The following OR8H2 variants were observed in gnomAD, a reference collection of about 807,000 sequenced individuals.
OR8H2 encodes the protein olfactory receptor 8H2.
For synonymous variants in OR8H2, 157 were observed against 139.2 expected (o/e 1.13, Z -0.90); for missense variants, 374 against 371.1 (o/e 1.01, Z -0.06).
rs1272454303 is a variant in OR8H2, at chr11:56,106,789, A to AT, written c.*809dup. Reference sequence around the variant, plus strand: ...TAGAAAAATAGCCTATATTAAGATAATGTTGGAGAAAATTTGAAAAATATT... The same window carrying AT: ...TAGAAAAATAGCCTATATTAAGATAATTGTTGGAGAAAATTTGAAAAATATT... On this transcript the variant is annotated 3_prime_UTR_variant, in exon 2 of 2. Coordinates refer to ENST00000313503, the MANE Select transcript of OR8H2 (RefSeq NM_001386064.1). 1 of 152,030 alleles carries AT rather than the reference A, an allele frequency of 6.6e-6. No homozygotes were observed. The highest frequency in any genetic ancestry group is 2.4e-5 in the African/African-American group (1 of 41,454). The allele number at this position is 152,030 out of a possible 1,614,324, so 9.4% of individuals were successfully genotyped here. A position where few individuals can be genotyped will look rare whatever the true frequency, so the allele number is the denominator to read the frequency against.
At chr11:56,104,621 T>C (rs1405545264) in intron 1 of OR8H2, among the ~76,000 whole-genome samples, 1 of 152,188 alleles carries the variant, frequency 6.6e-6, no homozygotes, top group African/African-American at 2.4e-5. Context: ...ATTCAATGTG[T>C]TAATAAAGGA....
In OR8H2 at chr11:56,105,096, G is replaced by T. The variant is rs777085759; in HGVS notation, c.54G>T (p.Leu18=). The change falls in exon 2 of 2, where the codon CTG becomes CTT. Residue 18 remains leucine, a synonymous_variant. Coordinates refer to ENST00000313503, the MANE Select transcript of OR8H2 (RefSeq NM_001386064.1). ...TGGCTGACTTCATCCTTATGGGACT[G>T]ACACTTTCTGAAGAGATCCAGATGG... ...TNVADFILMG[L]TLSEEIQMAL... 18 of 1,614,050 alleles carry T rather than the reference G, an allele frequency of 1.1e-5. No homozygotes were observed. The Middle Eastern group carries it at 1.2e-3, about 103-fold the overall frequency.
intron 1 of OR8H2, 85 bp from the exon 2 acceptor site, chr11:56,104,787 T>A (rs1368051102): frequency 2.6e-6 from 1 of 382,068 alleles, no homozygotes; most frequent in African/African-American, 2.1e-5. Context: ...TAGCAACTTA[T>A]AGAAGGCTAA....
rs1234440491 is a variant in OR8H2 at position 56,106,361 on chromosome 11, A to C, written c.*380A>C. ...CACAATGATAATAGTTTTAGATGTT[A>C]TTCCATTTATTATATGGGGAAGAAT... On this transcript the variant is annotated 3_prime_UTR_variant, in exon 2 of 2. Transcript: ENST00000313503. 1 of 155,804 alleles carries C rather than the reference A, an allele frequency of 6.4e-6. No homozygotes were observed. The highest frequency in any genetic ancestry group is 1.4e-5 in the Non-Finnish European group (1 of 70,616). The allele number at this position is 155,804 out of a possible 1,614,324, so 9.7% of individuals were successfully genotyped here.
chr11:56,104,767 A>G (rs567974927), intron 1 of OR8H2, 105 bp from the exon 2 acceptor site: 1 of 336,154 alleles, frequency 3.0e-6, no homozygotes, highest in Admixed American at 4.4e-5. Flanking sequence ...GTCATATTCT[A>G]TAAATTTATT....
rs1854066178 is a variant in OR8H2, at chr11:56,107,172, T to C, written c.*1191T>C. On this transcript the variant is annotated 3_prime_UTR_variant, in exon 2 of 2. Coordinates refer to ENST00000313503, the MANE Select transcript of OR8H2 (RefSeq NM_001386064.1). ...GGACTTGAAATATAAACTCACCAAC[T>C]TACAAATCTACATGCAGTGATATCT... is the stretch of plus-strand genomic sequence containing the variant. 6.6e-6 allele frequency: 1 copy of C among 151,918 alleles called. No individual in the cohort carries two copies. Among genetic ancestry groups the C allele is most frequent in the South Asian group, 2.1e-4 (1 of 4,832 alleles). The allele number at this position is 151,918 out of a possible 1,614,324, so 9.4% of individuals were successfully genotyped here. A position where few individuals can be genotyped will look rare whatever the true frequency, so the allele number is the denominator to read the frequency against.
At chr11:56,104,025 G>A (rs1854014222) in intron 1 of OR8H2, 38 bp downstream of exon 1, 1 of 151,886 alleles carries the variant, frequency 6.6e-6, no homozygotes. Context: ...TATTGTTCCA[G>A]ATTTTATTTC....
At chr11:56,104,633 G>T (rs184841272) in intron 1 of OR8H2, among the ~76,000 whole-genome samples, 2 of 152,214 alleles carry the variant, frequency 1.3e-5, no homozygotes, top group African/African-American at 4.8e-5. Flanking sequence ...AATAAAGGAA[G>T]TCATTCAGAA....
At position 56,104,899 on chromosome 11, in the gene OR8H2, T is replaced by C; in HGVS notation, c.-144T>C. On this transcript the variant is annotated 5_prime_UTR_variant, in exon 2 of 2. An upstream start codon of the reference 5' UTR is lost. Coordinates refer to ENST00000313503, the MANE Select transcript of OR8H2 (RefSeq NM_001386064.1). ...TCTGGCACAGTCGCCAGGGCTGGAA[T>C]GCAATGGTGCGATCCCGGCTCACTG... 1.5e-6 allele frequency: 1 copy of C among 687,020 alleles called. No individual in the cohort carries two copies. Among genetic ancestry groups the C allele is most frequent in the East Asian group, 2.6e-5 (1 of 38,650 alleles). 42.6% of individuals were successfully genotyped at this position (687,020 alleles called of 1,614,324 possible).
Position 56,105,150 on chromosome 11 carries a change from C to A in OR8H2, c.108C>A (p.Tyr36Ter), listed in dbSNP as rs1158520695. 1.2e-6 allele frequency: 2 copies of A among 1,614,146 alleles called. No individual in the cohort carries two copies. The highest frequency in any genetic ancestry group is 1.3e-5 in the African/African-American group (1 of 75,040). Residue 36 changes from tyrosine to a stop codon, truncating the protein, a stop_gained, in exon 2 of 2, where the codon TAC (tyrosine) becomes TAA (stop). Transcript: ENST00000313503. LOFTEE classifies it low-confidence loss of function (END_TRUNC). Reference sequence around the variant, plus strand: ...TGTTTATGCTATTTCTCCTGATATACCTAATTACTATGCTGGGGAATGTGG... The same window carrying A: ...TGTTTATGCTATTTCTCCTGATATAACTAATTACTATGCTGGGGAATGTGG... ...MALFMLFLLI[Y>*]LITMLGNVGM... is the part of the protein sequence containing the mutation.
In OR8H2 at chr11:56,106,945, G is replaced by C. The variant is rs1854062608; in HGVS notation, c.*964G>C. On this transcript the variant is annotated 3_prime_UTR_variant, in exon 2 of 2. Coordinates refer to ENST00000313503, the MANE Select transcript of OR8H2 (RefSeq NM_001386064.1). Reference sequence around the variant, plus strand: ...TTTCAGTTTTAGAAAAACAAATATTGAGTTTTGTGCATGTTCTTCTAGATC... The same window carrying C: ...TTTCAGTTTTAGAAAAACAAATATTCAGTTTTGTGCATGTTCTTCTAGATC... The C allele has an allele frequency of 6.6e-6, 1 of 151,766 alleles. No individual in the cohort carries two copies. The highest frequency in any genetic ancestry group is 1.5e-5 in the Non-Finnish European group (1 of 67,780). The allele number at this position is 151,766 out of a possible 1,614,324, so 9.4% of individuals were successfully genotyped here.
At chr11:56,104,466 T>A (rs1401608680) in intron 1 of OR8H2, among the ~76,000 whole-genome samples, 2 of 152,192 alleles carry the variant, frequency 1.3e-5, no homozygotes, top group African/African-American at 4.8e-5. Flanking sequence ...GCCGTCTCTC[T>A]GAAGTTAATA....
rs2134663619 is a variant in OR8H2 at position 56,105,809 on chromosome 11, T to G, written c.767T>G (p.Ile256Ser). 1.9e-6 allele frequency: 3 copies of G among 1,613,778 alleles called. No homozygotes were observed. The highest frequency in any genetic ancestry group is 2.5e-6 in the Non-Finnish European group (3 of 1,179,772). Residue 256 changes from isoleucine (I) to serine (S), a missense_variant, in exon 2 of 2, where the codon ATT becomes AGT. Physicochemically the swap from Ile to Ser is moderately radical, Grantham distance 142. Coordinates refer to ENST00000313503, the MANE Select transcript of OR8H2 (RefSeq NM_001386064.1). ...GTCACCATCTTTTATAGCACTCTGATTTTTACTTATTTAAAACCAAGAAAG... is the reference window on the plus strand; with the variant it reads ...GTCACCATCTTTTATAGCACTCTGAGTTTTACTTATTTAAAACCAAGAAAG... The part of the protein sequence containing the change: ...LGVTIFYSTL[I>S]FTYLKPRKSY...
chr11:56,105,616 A>C lies in OR8H2; in HGVS notation c.574A>C (p.Thr192Pro). ...AATTTTAGCTCTGTCCTGCACTGAT[A>C]CATACAACACCGAAATCCTGATATT... is the stretch of plus-strand genomic sequence containing the variant. ...SPILALSCTD[T>P]YNTEILIFII... The change falls in exon 2 of 2, where the codon ACA becomes CCA. Residue 192 changes from threonine (T) to proline (P), a missense_variant. Transcript: ENST00000313503. 1 of 1,614,188 alleles carries C rather than the reference A, an allele frequency of 6.2e-7. No homozygotes were observed. The highest frequency in any genetic ancestry group is 1.6e-4 in the Middle Eastern group (1 of 6,062).
rs750876925 is a variant in OR8H2 at position 56,105,406 on chromosome 11, C to T, written c.364C>T (p.Arg122Cys). ...CYLLSSMAHD[R>C]YAAICSPLHY... ...CCTTCTCTCCTCAATGGCCCATGAT[C>T]GCTATGCAGCGATCTGCAGTCCTCT... The change falls in exon 2 of 2, where the codon CGC (arginine) becomes TGC (cysteine). Residue 122 changes from arginine (R) to cysteine (C), a missense_variant. Coordinates refer to ENST00000313503, the MANE Select transcript of OR8H2 (RefSeq NM_001386064.1). The T allele has an allele frequency of 1.2e-6, 2 of 1,613,990 alleles. No homozygotes were observed. Among genetic ancestry groups the T allele is most frequent in the East Asian group, 2.2e-5 (1 of 44,882 alleles).
At position 56,106,076 on chromosome 11, in the gene OR8H2, T is replaced by C; in HGVS notation, c.*95T>C. 1 of 837,946 alleles carries C rather than the reference T, an allele frequency of 1.2e-6. No individual in the cohort carries two copies. Among genetic ancestry groups the C allele is most frequent in the Non-Finnish European group, 1.9e-6 (1 of 533,494 alleles). 51.9% of individuals were successfully genotyped at this position (837,946 alleles called of 1,614,324 possible). A position where few individuals can be genotyped will look rare whatever the true frequency, so the allele number is the denominator to read the frequency against. On this transcript the variant is annotated 3_prime_UTR_variant, in exon 2 of 2. Transcript: ENST00000313503. ...CTCTCTATAAAAACAATTGAATCTTTTAATTTGTTTGCATTTCTGTTGTGC... is the reference window on the plus strand; with the variant it reads ...CTCTCTATAAAAACAATTGAATCTTCTAATTTGTTTGCATTTCTGTTGTGC...
rs28681529 is a variant in OR8H2, at chr11:56,105,181, A to C, written c.139A>C (p.Ile47Leu). The C allele has an allele frequency of 0.2, 326,629 of 1,601,518 alleles. 35,141 individuals carry two copies. The highest frequency in any genetic ancestry group is 0.22 in the East Asian group (10,024 of 44,826). Residue 47 changes from isoleucine (I) to leucine (L), a missense_variant, in exon 2 of 2, where the codon ATA becomes CTA. Transcript: ENST00000313503. ...TACTATGCTGGGGAATGTGGGGATG[A>C]TATTGATAATCCGCCTGGACCTCCA... ...LITMLGNVGM[I>L]LIIRLDLQLH...
At position 56,105,752 on chromosome 11, in the gene OR8H2, C is replaced by A. The variant is rs372716874; in HGVS notation, c.710C>A (p.Ala237Asp). ...AATTCCACTTCAGGAAAGCAGAAAGCTTTCTCTACTTGCGTCTCTCATCTC... is the reference window on the plus strand; with the variant it reads ...AATTCCACTTCAGGAAAGCAGAAAGATTTCTCTACTTGCGTCTCTCATCTC... ...KINSTSGKQK[A>D]FSTCVSHLLG... is the part of the protein sequence containing the mutation. The change falls in exon 2 of 2, where the codon GCT (alanine) becomes GAT (aspartate). Residue 237 changes from alanine to aspartate, a missense_variant. By Grantham distance (126) the Ala-to-Asp change is moderately radical. Coordinates refer to ENST00000313503, the MANE Select transcript of OR8H2 (RefSeq NM_001386064.1). 2 of 1,613,734 alleles carry A rather than the reference C, an allele frequency of 1.2e-6. No individual in the cohort carries two copies. Among genetic ancestry groups the A allele is most frequent in the Non-Finnish European group, 1.7e-6 (2 of 1,179,750 alleles).
In OR8H2 at chr11:56,105,871, T is replaced by A; in HGVS notation, c.829T>A (p.Phe277Ile). ...SLGRDQVASVFYTIVIPVLNP... is the reference protein window; with the variant it reads ...SLGRDQVASVIYTIVIPVLNP... ...GGGAAGAGATCAAGTGGCTTCTGTTTTTTATACTATTGTGATTCCCGTGCT... is the reference window on the plus strand; with the variant it reads ...GGGAAGAGATCAAGTGGCTTCTGTTATTTATACTATTGTGATTCCCGTGCT... The change falls in exon 2 of 2, where the codon TTT becomes ATT. Residue 277 changes from phenylalanine (F) to isoleucine (I), a missense_variant. Phe to Ile is a conservative substitution (Grantham distance 21). Transcript: ENST00000313503. 1.2e-6 allele frequency: 2 copies of A among 1,612,078 alleles called. No homozygotes were observed. The highest frequency in any genetic ancestry group is 2.2e-5 in the South Asian group (2 of 90,960).
Sources: allele counts gnomAD v4.1 joint callset (sites outside exome capture counted in the v4.1 genomes callset), GRCh38; gene constraint gnomAD v4.1.1; transcripts MANE v1.5; gene names NCBI Gene and HGNC (gene_info 2026-07-23, HGNC 2026-07-21).